The following ZNF385D variants were observed in gnomAD, a reference collection of about 807,000 sequenced individuals.
ZNF385D encodes zinc finger protein 385D, also known as zinc finger protein 659.
ZNF385D carries 15 observed loss-of-function variants against 35.8 expected under a neutral mutation model. That is an observed-to-expected ratio of 0.42 (90% CI 0.28 to 0.64). The LOEUF (loss-of-function observed/expected upper bound fraction) is 0.64. Ranked by LOEUF, ZNF385D falls within the 30% of genes least tolerant of loss-of-function variation. ZNF385D has a pLI of 0.23. For synonymous variants in ZNF385D, 212 were observed against 186.8 expected (o/e 1.13, Z -1.10); for missense variants, 474 against 494.6 (o/e 0.96, Z 0.39).
At chr3:22,067,641 T>C (rs934262725) in intron 3 of ZNF385D, among the ~76,000 whole-genome samples, 25 of 152,142 alleles carry the variant, frequency 1.6e-4, no homozygotes, top group African/African-American at 6.0e-4. Context: ...TACAAACAAA[T>C]CAACTTTTTA....
At chr3:21,523,628 C>A (rs1424319815) in intron 3 of ZNF385D, among the ~76,000 whole-genome samples, 1 of 152,062 alleles carries the variant, frequency 6.6e-6, no homozygotes, top group Non-Finnish European at 1.5e-5. Context: ...GCTTATATCC[C>A]CAAATGTGAA....
chr3:21,822,634 A>G (rs1353106206), intron 3 of ZNF385D, among the ~76,000 whole-genome samples: 1 of 152,198 alleles, frequency 6.6e-6, no homozygotes, highest in Non-Finnish European at 1.5e-5. Flanking sequence ...CATGCACAAG[A>G]AAGTTGATAC....
At chr3:21,725,057 C>T (rs34861136) in intron 1 of ZNF385D, among the ~76,000 whole-genome samples, 24,709 of 152,110 alleles carry the variant, frequency 0.16, 2,428 homozygotes, top group Admixed American at 0.29. Context: ...TACATGAAAA[C>T]TGAACAATGT....
intron 3 of ZNF385D, among the ~76,000 whole-genome samples, chr3:21,810,739 G>C (rs889330935): frequency 6.6e-6 from 1 of 151,808 alleles, no homozygotes; most frequent in Non-Finnish European, 1.5e-5. Context: ...TAAACAAAAT[G>C]AATCAAATGG....
intron 2 of ZNF385D, among the ~76,000 whole-genome samples, chr3:21,602,463 G>A (rs940957050): frequency 4.6e-5 from 7 of 151,060 alleles, no homozygotes; most frequent in Admixed American, 2.6e-4. Flanking sequence ...TACTAGCGCA[G>A]GGTTAGTAGC....
intron 2 of ZNF385D, among the ~76,000 whole-genome samples, chr3:22,268,718 G>A (rs1701022322): frequency 6.6e-6 from 1 of 152,042 alleles, no homozygotes; most frequent in African/African-American, 2.4e-5. Flanking sequence ...AAGCTATTGA[G>A]AGGCACGTTA....
At chr3:22,050,217 C>T (rs1214890315) in intron 3 of ZNF385D, among the ~76,000 whole-genome samples, 1 of 151,492 alleles carries the variant, frequency 6.6e-6, no homozygotes, top group African/African-American at 2.4e-5. Context: ...AAAAAAGCAG[C>T]TCTCTGTGGT....
chr3:21,876,606 G>A (rs770391849), intron 3 of ZNF385D, among the ~76,000 whole-genome samples: 1 of 151,722 alleles, frequency 6.6e-6, no homozygotes, highest in Non-Finnish European at 1.5e-5. Context: ...GCTCAGTGCT[G>A]GGTAAATATG....
intron 3 of ZNF385D, among the ~76,000 whole-genome samples, chr3:21,783,928 A>G (rs1180322913): frequency 6.6e-6 from 1 of 152,194 alleles, no homozygotes; most frequent in Non-Finnish European, 1.5e-5. Context: ...CTAAAAATAC[A>G]GTATGTAAGC....
intron 3 of ZNF385D, among the ~76,000 whole-genome samples, chr3:21,908,955 G>C (rs1699828922): frequency 6.6e-6 from 1 of 151,934 alleles, no homozygotes; most frequent in South Asian, 2.1e-4. Context: ...ATAATCACAA[G>C]TCTTATAGCC....
intron 3 of ZNF385D, among the ~76,000 whole-genome samples, chr3:22,165,915 C>T (rs1706284871): frequency 6.6e-6 from 1 of 152,164 alleles, no homozygotes; most frequent in South Asian, 2.1e-4. Context: ...CCTGCTCTTA[C>T]ATTCATACAC....
At chr3:22,167,629 T>C (rs1221346461) in intron 3 of ZNF385D, among the ~76,000 whole-genome samples, 1 of 152,056 alleles carries the variant, frequency 6.6e-6, no homozygotes, top group Admixed American at 6.6e-5. Context: ...GAAACAGCAG[T>C]GGGGCAGAGC....
intron 1 of ZNF385D, among the ~76,000 whole-genome samples, chr3:21,712,389 T>C (rs760174534): frequency 2.0e-5 from 3 of 152,136 alleles, no homozygotes; most frequent in African/African-American, 4.8e-5. Context: ...GCATAGCCCA[T>C]TGGCTGATTG....
chr3:22,083,533 A>G (rs1259049006), intron 3 of ZNF385D, among the ~76,000 whole-genome samples: 4 of 152,212 alleles, frequency 2.6e-5, no homozygotes, highest in Non-Finnish European at 5.9e-5. Flanking sequence ...GTTTAGAGAA[A>G]AAAGAGTAAA....
intron 3 of ZNF385D, among the ~76,000 whole-genome samples, chr3:21,821,736 G>A (rs1694244580): frequency 6.6e-6 from 1 of 152,096 alleles, no homozygotes; most frequent in African/African-American, 2.4e-5. Flanking sequence ...CAAGGCAGGA[G>A]GACCATGTCA....
chr3:22,156,274 T>C (rs1430758625), intron 3 of ZNF385D, among the ~76,000 whole-genome samples: 1 of 151,890 alleles, frequency 6.6e-6, no homozygotes, highest in East Asian at 1.9e-4. Flanking sequence ...AGGAAGTAAT[T>C]TGGAATAAAG....
chr3:22,183,861 A>G, intron 2 of ZNF385D, among the ~76,000 whole-genome samples: 1 of 151,782 alleles, frequency 6.6e-6, no homozygotes, highest in Non-Finnish European at 1.5e-5. Flanking sequence ...TTAGTTTTCA[A>G]CAAATTTTTT....
intron 1 of ZNF385D, among the ~76,000 whole-genome samples, chr3:21,676,705 A>T (rs1208289358): frequency 6.6e-6 from 1 of 152,078 alleles, no homozygotes; most frequent in Non-Finnish European, 1.5e-5. Flanking sequence ...GTTTAGCAAG[A>T]TCATCTTACT....
chr3:21,510,862 T>C lies in ZNF385D; in HGVS notation c.438A>G (p.Thr146=). 7 of 1,613,964 alleles carry C rather than the reference T, an allele frequency of 4.3e-6. No homozygotes were observed. The highest frequency in any genetic ancestry group is 5.9e-6 in the Non-Finnish European group (7 of 1,179,880). Residue 146 remains threonine, a splice_region_variant and synonymous_variant, in exon 4 of 8, where the codon ACA becomes ACG. Coordinates refer to ENST00000281523, the MANE Select transcript of ZNF385D (RefSeq NM_024697.3). ...CAACAACAAAGATCATTGCTTAACC[T>C]GTTTTGTCAGAGCTGGTATTGATGG... ...TNTINTSSDK[T]DGTAGTPAIS...
Sources: gnomAD v4.1 joint callset for allele counts (sites outside exome capture counted in the v4.1 genomes callset) on GRCh38, gnomAD v4.1.1 for gene constraint, MANE v1.5 for transcripts, NCBI Gene and HGNC (gene_info 2026-07-23, HGNC 2026-07-21) for gene names.